Variants in YLPM1 observed in about 807,000 individuals in gnomAD.
YLPM1 encodes the protein YLP motif containing 1, also known as YLP motif-containing protein 1.
A neutral mutation model predicts 230.0 loss-of-function variants in YLPM1; 99 were observed. The observed-to-expected ratio is 0.43, with a 90% CI of 0.37 to 0.51. The LOEUF (loss-of-function observed/expected upper bound fraction) is 0.51. Ranked by LOEUF, YLPM1 falls within the 20% of genes least tolerant of loss-of-function variation. The pLI, the probability that YLPM1 is intolerant of heterozygous loss-of-function variation, is 0.00. For synonymous variants in YLPM1, 984 were observed against 942.5 expected, an observed-to-expected ratio of 1.04 and a Z score of -0.81; for missense variants, 2,592 against 2,707.7, an observed-to-expected ratio of 0.96 and a Z score of 0.95.
chr14:74,763,799 C>G lies in YLPM1; in HGVS notation c.310C>G (p.Pro104Ala), dbSNP rs763664957. The G allele has an allele frequency of 4.6e-6, 7 of 1,511,708 alleles. No homozygotes were observed. In the Admixed American group the frequency reaches 9.1e-5, roughly 20 times the overall value. The allele number at this position is 1,511,708 out of a possible 1,614,324, so 93.6% of individuals were successfully genotyped here. ...GGGYGDWQPP[P>A]PPMPPPPGPA... is the part of the protein sequence containing the mutation. ...CGGCTACGGAGACTGGCAGCCGCCA[C>G]CGCCACCGATGCCCCCGCCACCCGG... The change falls in exon 1 of 21, where the codon CCG becomes GCG. Residue 104 changes from proline (P) to alanine (A), a missense_variant. Around this residue, in one of 4 missense-constraint regions of YLPM1, gnomAD observed 1,862 missense variants for 1,819.8 expected, o/e 1.02. Transcript: ENST00000325680.
intron 4 of YLPM1, among the ~76,000 whole-genome samples, chr14:74,788,152 G>A (rs1412660081): frequency 2.7e-5 from 4 of 147,270 alleles, no homozygotes; most frequent in East Asian, 2.0e-4. Flanking sequence ...ATGGAGTCTC[G>A]CTCTGTCGCC....
At chr14:74,780,664 A>G (rs962704422) in intron 3 of YLPM1, 80 bp downstream of exon 3, 1 of 1,497,310 alleles carries the variant, frequency 6.7e-7, no homozygotes, top group Non-Finnish European at 8.9e-7. Context: ...ATTTAAGTGT[A>G]AAAAACAAAA....
chr14:74,806,237 A>G (rs2091377272), intron 6 of YLPM1, among the ~76,000 whole-genome samples: 1 of 151,734 alleles, frequency 6.6e-6, no homozygotes, highest in African/African-American at 2.4e-5. Context: ...TGTGCCTGTA[A>G]TCCTAGTTAC....
chr14:74,819,623 A>AT (rs2091505285), intron 16 of YLPM1, among the ~76,000 whole-genome samples: 1 of 151,156 alleles, frequency 6.6e-6, no homozygotes, highest in African/African-American at 2.4e-5. Flanking sequence ...TTCTCAACCC[A>AT]TTTTTTTCTG....
chr14:74,828,281 G>A (rs537574280), intron 18 of YLPM1, among the ~76,000 whole-genome samples: 7 of 152,096 alleles, frequency 4.6e-5, no homozygotes, highest in African/African-American at 1.7e-4. Flanking sequence ...TTTCTTCATT[G>A]GCCTGCCTAA....
chr14:74,773,277 G>T, intron 1 of YLPM1, among the ~76,000 whole-genome samples: 1 of 151,320 alleles, frequency 6.6e-6, no homozygotes, highest in East Asian at 2.0e-4. Context: ...GACAGAGCGA[G>T]ACTCCATCTC....
chr14:74,766,404 C>T (rs1333917646), intron 1 of YLPM1, among the ~76,000 whole-genome samples: 1 of 151,942 alleles, frequency 6.6e-6, no homozygotes, highest in Non-Finnish European at 1.5e-5. Flanking sequence ...AGTATGATTC[C>T]CCATACATAC....
intron 18 of YLPM1, among the ~76,000 whole-genome samples, 173 bp from the exon 19 acceptor site, chr14:74,829,040 A>G (rs1161336692): frequency 6.6e-6 from 1 of 152,220 alleles, no homozygotes; most frequent in African/African-American, 2.4e-5. Context: ...TGGAAATTGC[A>G]CAGAACTTGA....
chr14:74,800,331 G>GTA (rs1318933300), intron 5 of YLPM1, among the ~76,000 whole-genome samples: 2 of 152,120 alleles, frequency 1.3e-5, no homozygotes, highest in Non-Finnish European at 2.9e-5. Context: ...CTGTGTATAG[G>GTA]TATCTACATA....
At chr14:74,815,316 C>T (rs575872765) in intron 11 of YLPM1, among the ~76,000 whole-genome samples, 21 of 152,206 alleles carry the variant, frequency 1.4e-4, no homozygotes, top group African/African-American at 5.1e-4. Context: ...CATCCCAGCA[C>T]TTTGGGAGGC....
At chr14:74,833,665 A>C (rs2091624068) in intron 19 of YLPM1, among the ~76,000 whole-genome samples, 1 of 152,174 alleles carries the variant, frequency 6.6e-6, no homozygotes, top group South Asian at 2.1e-4. Context: ...AAGCCCATGA[A>C]AGACATTGAG....
At chr14:74,767,224 G>A (rs181313461) in intron 1 of YLPM1, among the ~76,000 whole-genome samples, 5 of 152,294 alleles carry the variant, frequency 3.3e-5, no homozygotes, top group African/African-American at 9.6e-5. Context: ...ACCTAACAAA[G>A]TTAACAGTTT....
chr14:74,816,058 C>T (rs1165715950), intron 11 of YLPM1, 145 bp from the exon 12 acceptor site: 1 of 641,384 alleles, frequency 1.6e-6, no homozygotes, highest in Non-Finnish European at 2.6e-6. Context: ...TATATTATTT[C>T]TGTCCTTTCA....
chr14:74,772,468 C>T (rs2090987411), intron 1 of YLPM1, among the ~76,000 whole-genome samples: 1 of 151,780 alleles, frequency 6.6e-6, no homozygotes, highest in African/African-American at 2.4e-5. Context: ...AAGCGATTCT[C>T]CTGCCTCAGC....
In YLPM1 at chr14:74,836,183, A is replaced by G. The variant is rs1250540203; in HGVS notation, c.*445A>G. 1.5e-4 allele frequency: 26 copies of G among 171,880 alleles called. No individual in the cohort carries two copies. Among genetic ancestry groups the G allele is most frequent in the Non-Finnish European group, 2.5e-5 (2 of 80,342 alleles). The allele number at this position is 171,880 out of a possible 1,614,324, so 10.6% of individuals were successfully genotyped here. On this transcript the variant is annotated 3_prime_UTR_variant, in exon 21 of 21. Transcript: ENST00000325680. ...ATAAAGCCGATGAGATTCATGGGCT[A>G]TACAGCATGGGCCCTTTTCTCTTGT...
chr14:74,821,455 A>G (rs2091519949), intron 17 of YLPM1: 1 of 187,458 alleles, frequency 5.3e-6, no homozygotes, highest in Non-Finnish European at 1.1e-5. Flanking sequence ...CTTACATTCC[A>G]GCAGATATGT....
At chr14:74,778,327 C>A in intron 1 of YLPM1, 120 bp from the exon 2 acceptor site, 1 of 841,048 alleles carries the variant, frequency 1.2e-6, no homozygotes. Flanking sequence ...CTCAGTCTAG[C>A]TTTGCCTTTT....
chr14:74,767,523 C>G (rs1001202286), intron 1 of YLPM1, among the ~76,000 whole-genome samples: 7 of 152,276 alleles, frequency 4.6e-5, no homozygotes, highest in African/African-American at 7.2e-5. Flanking sequence ...AGGGGCTTGT[C>G]CTATGCATTG....
intron 6 of YLPM1, among the ~76,000 whole-genome samples, chr14:74,806,405 G>T (rs527519183): frequency 6.6e-6 from 1 of 151,884 alleles, no homozygotes; most frequent in South Asian, 2.1e-4. Context: ...GGCCAACATG[G>T]TGAACCCTCG....
Sources: gnomAD v4.1 joint callset for allele counts (sites outside exome capture counted in the v4.1 genomes callset) on GRCh38, gnomAD v4.1.1 for gene constraint, gnomAD v4.1.1 regional missense constraint, MANE v1.5 for transcripts, NCBI Gene and HGNC (gene_info 2026-07-23, HGNC 2026-07-21) for gene names.